SH3GL2: variants seen among roughly 807,000 people sequenced by gnomAD.
SH3GL2 encodes the protein SH3 domain containing GRB2 like 2, endophilin A1, also known as endophilin-A1.
A neutral mutation model predicts 46.0 loss-of-function variants in SH3GL2; 24 were observed. That is an observed-to-expected ratio of 0.52 (90% CI 0.38 to 0.73). SH3GL2 has a LOEUF of 0.73. SH3GL2 is among the 30% of genes least tolerant of loss of function. The pLI is 0.00. For synonymous variants in SH3GL2, 196 were observed against 147.1 expected (o/e 1.33, Z -2.40); for missense variants, 413 against 424.2 (o/e 0.97, Z 0.23).
intron 3 of SH3GL2, among the ~76,000 whole-genome samples, chr9:17,774,102 G>A (rs9406715): frequency 0.1 from 15,397 of 151,838 alleles, 865 homozygotes; most frequent in Non-Finnish European, 0.11. Context: ...CAGATTGTTC[G>A]TTGTCAGTGT....
At chr9:17,774,725 G>T (rs1419892296) in intron 3 of SH3GL2, among the ~76,000 whole-genome samples, 1 of 152,092 alleles carries the variant, frequency 6.6e-6, no homozygotes, top group African/African-American at 2.4e-5. Flanking sequence ...TCACAACAAT[G>T]ATCGTAAGAG....
At chr9:17,705,096 C>T (rs12005043) in intron 1 of SH3GL2, among the ~76,000 whole-genome samples, 125 of 151,910 alleles carry the variant, frequency 8.2e-4, no homozygotes, top group African/African-American at 2.9e-3. Flanking sequence ...TAAGCAGACA[C>T]TTTTCAAAAG....
At chr9:17,676,946 C>T (rs371236255) in intron 1 of SH3GL2, among the ~76,000 whole-genome samples, 1 of 152,162 alleles carries the variant, frequency 6.6e-6, no homozygotes, top group South Asian at 2.1e-4. Flanking sequence ...CCAAATATGC[C>T]ATAAATTCCT....
chr9:17,614,533 G>A (rs1258585145), intron 1 of SH3GL2, among the ~76,000 whole-genome samples: 1 of 152,016 alleles, frequency 6.6e-6, no homozygotes, highest in East Asian at 1.9e-4. Flanking sequence ...TTCTGTCATA[G>A]GGCAAACTCA....
chr9:17,673,968 C>T (rs1334287574), intron 1 of SH3GL2, among the ~76,000 whole-genome samples: 1 of 152,162 alleles, frequency 6.6e-6, no homozygotes, highest in East Asian at 1.9e-4. Flanking sequence ...TTGAATTCAT[C>T]TTTAAGCTCC....
At chr9:17,635,095 C>T (rs539550482) in intron 1 of SH3GL2, among the ~76,000 whole-genome samples, 1 of 152,242 alleles carries the variant, frequency 6.6e-6, no homozygotes, top group Non-Finnish European at 1.5e-5. Flanking sequence ...GGTATTAAGC[C>T]TAGTACCCAT....
chr9:17,736,845 A>G (rs1428870796), intron 1 of SH3GL2, among the ~76,000 whole-genome samples: 1 of 152,212 alleles, frequency 6.6e-6, no homozygotes, highest in East Asian at 1.9e-4. Context: ...TCCAAATGAT[A>G]TTTCTATAGG....
At chr9:17,784,720 TTC>T (rs753298949) in intron 3 of SH3GL2, among the ~76,000 whole-genome samples, 6 of 152,164 alleles carry the variant, frequency 3.9e-5, no homozygotes, top group Non-Finnish European at 7.4e-5. Context: ...CTGTGGCATT[TTC>T]TCTTTTTAAA....
chr9:17,639,567 T>C (rs1390810828), intron 1 of SH3GL2, among the ~76,000 whole-genome samples: 11 of 152,220 alleles, frequency 7.2e-5, no homozygotes, highest in Non-Finnish European at 1.5e-5. Flanking sequence ...CCTTTATACA[T>C]TTTTGTTGGG....
chr9:17,621,841 A>G (rs1239479717), intron 1 of SH3GL2, among the ~76,000 whole-genome samples: 5 of 151,984 alleles, frequency 3.3e-5, no homozygotes, highest in Non-Finnish European at 5.9e-5. Flanking sequence ...AACTAGGATA[A>G]CTCTTTTGCA....
At chr9:17,779,838 A>C (rs9298783) in intron 3 of SH3GL2, among the ~76,000 whole-genome samples, 15 of 151,998 alleles carry the variant, frequency 9.9e-5, no homozygotes, top group African/African-American at 3.6e-4. Flanking sequence ...AACCACATGG[A>C]TATTGTTAGA....
At chr9:17,669,671 C>T (rs1381939428) in intron 1 of SH3GL2, among the ~76,000 whole-genome samples, 2 of 151,998 alleles carry the variant, frequency 1.3e-5, no homozygotes, top group Non-Finnish European at 2.9e-5. Flanking sequence ...TGAAGGACAC[C>T]GGGGTTGGTT....
At position 17,645,066 on chromosome 9, in the gene SH3GL2, A is replaced by C. The variant is rs567817261; in HGVS notation, c.45+65779A>C. ...CTCTTCTCATTGCATTGATTCCTTT[A>C]CCATTATGTAATGTCCTTCTTTGTC... On this transcript the variant is annotated intron_variant, in intron 1 of 8. Coordinates refer to ENST00000380607, the MANE Select transcript of SH3GL2 (RefSeq NM_003026.5). 2.0e-5 allele frequency among the ~76,000 whole-genome samples: 3 copies of C among 149,032 alleles called. No homozygotes were observed. The Admixed American group carries it at 2.0e-4, about 10-fold the overall frequency.
intron 1 of SH3GL2, among the ~76,000 whole-genome samples, chr9:17,616,249 A>G (rs544564260): frequency 6.6e-6 from 1 of 152,362 alleles, no homozygotes; most frequent in Admixed American, 6.5e-5. Context: ...TAAAAGAAAT[A>G]TGAGGCTAGG....
chr9:17,730,203 T>G (rs1229683893), intron 1 of SH3GL2, among the ~76,000 whole-genome samples: 1 of 152,108 alleles, frequency 6.6e-6, no homozygotes, highest in Non-Finnish European at 1.5e-5. Context: ...ATTCCTAGGC[T>G]TTTTATTCTC....
chr9:17,730,425 C>G (rs1822144199), intron 1 of SH3GL2, among the ~76,000 whole-genome samples: 1 of 152,110 alleles, frequency 6.6e-6, no homozygotes, highest in Admixed American at 6.6e-5. Context: ...TTGAATTCGT[C>G]TCTTCCTGTT....
intron 1 of SH3GL2, among the ~76,000 whole-genome samples, chr9:17,647,080 G>T (rs7033657): frequency 0.027 from 4,037 of 152,288 alleles, 77 homozygotes; most frequent in Middle Eastern, 0.058. Flanking sequence ...GCCCAGAGAG[G>T]AGGAATCCAG....
At chr9:17,758,292 G>A (rs961144629) in intron 2 of SH3GL2, among the ~76,000 whole-genome samples, 5 of 152,032 alleles carry the variant, frequency 3.3e-5, no homozygotes, top group Non-Finnish European at 7.4e-5. Flanking sequence ...CTGGTGCAGT[G>A]ACTCATGCCT....
At chr9:17,735,348 C>T (rs1200193604) in intron 1 of SH3GL2, among the ~76,000 whole-genome samples, 2 of 152,058 alleles carry the variant, frequency 1.3e-5, no homozygotes, top group Non-Finnish European at 2.9e-5. Flanking sequence ...AGTATAAGCA[C>T]CCTGAATCTA....
Sources: gnomAD v4.1 joint callset for allele counts (sites outside exome capture counted in the v4.1 genomes callset) on GRCh38, gnomAD v4.1.1 for gene constraint, MANE v1.5 for transcripts, NCBI Gene and HGNC (gene_info 2026-07-23, HGNC 2026-07-21) for gene names.